Variants in HS6ST3 observed in about 807,000 individuals in gnomAD.
HS6ST3 encodes the protein heparan sulfate 6-O-sulfotransferase 3.
A neutral mutation model predicts 36.7 loss-of-function variants in HS6ST3; 12 were observed. The ratio of observed to expected loss-of-function variants is 0.33; its 90% CI spans 0.21 to 0.53. The LOEUF (loss-of-function observed/expected upper bound fraction) is 0.53, where lower values mean the gene tolerates loss of function less well. Ranked by LOEUF, HS6ST3 falls within the 20% of genes least tolerant of loss-of-function variation. The pLI is 0.95. For missense variants in HS6ST3, 584 were observed against 640.9 expected (o/e 0.91, Z 0.96); for synonymous variants, 240 against 257.5 (o/e 0.93, Z 0.65).
At chr13:96,325,333 G>A (rs1162970611) in intron 1 of HS6ST3, among the ~76,000 whole-genome samples, 1 of 152,028 alleles carries the variant, frequency 6.6e-6, no homozygotes, top group Non-Finnish European at 1.5e-5. Context: ...TGCAGGTTCT[G>A]GAGCCAAGAA....
intron 1 of HS6ST3, among the ~76,000 whole-genome samples, chr13:96,487,292 C>T (rs1050849559): frequency 6.6e-5 from 10 of 151,910 alleles, no homozygotes; most frequent in African/African-American, 2.4e-4. Flanking sequence ...AAGGCAGGAC[C>T]CTCTTGCTTG....
At chr13:96,235,164 T>C (rs1336541618) in intron 1 of HS6ST3, among the ~76,000 whole-genome samples, 1 of 152,196 alleles carries the variant, frequency 6.6e-6, no homozygotes, top group Non-Finnish European at 1.5e-5. Context: ...GGAAGAGAAG[T>C]AGTTTCCCAT....
At chr13:96,110,077 G>A (rs553257578) in intron 1 of HS6ST3, among the ~76,000 whole-genome samples, 2 of 152,274 alleles carry the variant, frequency 1.3e-5, no homozygotes, top group South Asian at 4.1e-4. Context: ...GAATACGTGA[G>A]GCTGGGTAAT....
At chr13:96,141,917 C>T (rs2054033715) in intron 1 of HS6ST3, among the ~76,000 whole-genome samples, 1 of 151,726 alleles carries the variant, frequency 6.6e-6, no homozygotes, top group South Asian at 2.1e-4. Flanking sequence ...TTGTAAATGC[C>T]ATCAAGCCTG....
intron 1 of HS6ST3, among the ~76,000 whole-genome samples, chr13:96,222,270 T>TA (rs1007810726): frequency 6.6e-6 from 1 of 151,910 alleles, no homozygotes. Context: ...AGACAAAGAA[T>TA]AAAAAAAAGC....
chr13:96,817,722 G>A (rs958387743), intron 1 of HS6ST3, among the ~76,000 whole-genome samples: 6 of 152,030 alleles, frequency 3.9e-5, no homozygotes, highest in Non-Finnish European at 5.9e-5. Context: ...AATATAACAC[G>A]TCATTTCAAG....
At chr13:96,636,262 G>C (rs925704477) in intron 1 of HS6ST3, among the ~76,000 whole-genome samples, 18 of 152,182 alleles carry the variant, frequency 1.2e-4, no homozygotes, top group African/African-American at 4.1e-4. Context: ...ACTGCCATCT[G>C]ATAATAGCAA....
intron 1 of HS6ST3, among the ~76,000 whole-genome samples, chr13:96,672,421 A>G (rs556692762): frequency 6.6e-6 from 1 of 152,314 alleles, no homozygotes; most frequent in Non-Finnish European, 1.5e-5. Context: ...ATGGTCAAAC[A>G]TAGAAGGTCA....
At chr13:96,440,184 C>A (rs539824603) in intron 1 of HS6ST3, among the ~76,000 whole-genome samples, 2 of 152,148 alleles carry the variant, frequency 1.3e-5, no homozygotes, top group Non-Finnish European at 2.9e-5. Context: ...CGGTGGCTCA[C>A]GCCTATAATC....
At chr13:96,746,356 T>C (rs927022964) in intron 1 of HS6ST3, among the ~76,000 whole-genome samples, 1 of 152,084 alleles carries the variant, frequency 6.6e-6, no homozygotes, top group Non-Finnish European at 1.5e-5. Flanking sequence ...TTACCTGCTA[T>C]CTCCTTTAAC....
At chr13:96,093,172 G>C (rs184119870) in intron 1 of HS6ST3, among the ~76,000 whole-genome samples, 47 of 152,220 alleles carry the variant, frequency 3.1e-4, no homozygotes, top group Middle Eastern at 3.4e-3. Flanking sequence ...ACTAAAACTG[G>C]AGTCTTATTG....
At chr13:96,284,667 A>G (rs2054791717) in intron 1 of HS6ST3, among the ~76,000 whole-genome samples, 1 of 152,124 alleles carries the variant, frequency 6.6e-6, no homozygotes, top group Admixed American at 6.5e-5. Context: ...GCATCCTTCA[A>G]TCCAGTCAAG....
chr13:96,137,521 C>T (rs1237256433), intron 1 of HS6ST3, among the ~76,000 whole-genome samples: 1 of 151,046 alleles, frequency 6.6e-6, no homozygotes, highest in Non-Finnish European at 1.5e-5. Flanking sequence ...GCAACCTCTG[C>T]CTCCCGGGTT....
At chr13:96,317,380 A>AAT (rs2054980565) in intron 1 of HS6ST3, among the ~76,000 whole-genome samples, 1 of 121,892 alleles carries the variant, frequency 8.2e-6, no homozygotes, top group African/African-American at 3.0e-5. Flanking sequence ...AATTATATAT[A>AAT]TATATATATA....
intron 1 of HS6ST3, among the ~76,000 whole-genome samples, chr13:96,449,035 C>T (rs908229227): frequency 2.0e-5 from 3 of 152,104 alleles, no homozygotes; most frequent in East Asian, 1.9e-4. Context: ...GATCATAGCT[C>T]ACTGCTGCCT....
chr13:96,330,071 T>C (rs1430093750), intron 1 of HS6ST3, among the ~76,000 whole-genome samples: 1 of 146,364 alleles, frequency 6.8e-6, no homozygotes, highest in Non-Finnish European at 1.5e-5. Context: ...TGAGCCTATG[T>C]GTGTCTCTGC....
chr13:96,184,535 C>A (rs2054256523), intron 1 of HS6ST3, among the ~76,000 whole-genome samples: 1 of 152,174 alleles, frequency 6.6e-6, no homozygotes, highest in Admixed American at 6.5e-5. Context: ...TGGCCCTAGG[C>A]CATGCGCTTT....
chr13:96,788,336 T>C (rs901650830), intron 1 of HS6ST3, among the ~76,000 whole-genome samples: 1 of 151,970 alleles, frequency 6.6e-6, no homozygotes, highest in African/African-American at 2.4e-5. Flanking sequence ...AGAATTGGTA[T>C]ATTCACTATA....
chr13:96,529,268 A>G (rs1263870887), intron 1 of HS6ST3, among the ~76,000 whole-genome samples: 4 of 152,164 alleles, frequency 2.6e-5, no homozygotes, highest in African/African-American at 9.6e-5. Flanking sequence ...TCTAATTTAT[A>G]TATAAAGTAT....
Sources: allele counts gnomAD v4.1 joint callset (sites outside exome capture counted in the v4.1 genomes callset), GRCh38; gene constraint gnomAD v4.1.1; transcripts MANE v1.5; gene names NCBI Gene and HGNC (gene_info 2026-07-23, HGNC 2026-07-21).